CPAP: variants seen among roughly 807,000 people sequenced by gnomAD.
CPAP encodes the protein centrosomal P4.1-associated protein.
chr13:24,903,700 A>C, the CPAP span, among the ~76,000 whole-genome samples: 1 of 152,216 alleles, frequency 6.6e-6, no homozygotes, highest in Non-Finnish European at 1.5e-5. Context: ...TGTTTTTCAA[A>C]TTTTAATTTA....
chr13:24,906,524 TCA>T, the CPAP span: 1 of 1,614,234 alleles, frequency 6.2e-7, no homozygotes, highest in Non-Finnish European at 8.5e-7. Context: ...TTTTGGACAC[TCA>T]GTTACATTTT....
At chr13:24,933,391 C>T in the CPAP span, 20 of 314,396 alleles carry the variant, frequency 6.4e-5, no homozygotes, top group Non-Finnish European at 1.0e-4. Context: ...ATTACTAGAG[C>T]ACAGCCAAAT....
chr13:24,892,533 C>T, the CPAP span: 93 of 826,598 alleles, frequency 1.1e-4, 2 homozygotes, highest in South Asian at 4.6e-4. Flanking sequence ...CTCCCCACTG[C>T]CCCCCCAGCC....
chr13:24,906,631 A>T, the CPAP span: 1 of 1,614,094 alleles, frequency 6.2e-7, no homozygotes, highest in East Asian at 2.2e-5. Context: ...ATCCTGACGG[A>T]GAAAGACTTT....
the CPAP span, among the ~76,000 whole-genome samples, chr13:24,929,325 G>A: frequency 3.9e-5 from 6 of 152,242 alleles, no homozygotes; most frequent in East Asian, 1.9e-4. Context: ...GCTTCCCAAA[G>A]TGTTGGGATT....
the CPAP span, chr13:24,884,018 G>C: frequency 4.6e-5 from 74 of 1,613,940 alleles, no homozygotes; most frequent in Non-Finnish European, 5.7e-5. Context: ...TGTCCATCAG[G>C]AAATAAGTTT....
the CPAP span, chr13:24,892,876 A>G: frequency 3.2e-6 from 5 of 1,549,154 alleles, no homozygotes; most frequent in East Asian, 6.7e-5. Context: ...GTCTCTCAAA[A>G]AAAAAAAACA....
At chr13:24,889,206 C>T in the CPAP span, 3 of 820,044 alleles carry the variant, frequency 3.7e-6, no homozygotes, top group Admixed American at 1.9e-5. Flanking sequence ...AATTCAAATT[C>T]ATTCAAATGT....
At chr13:24,906,630 G>C in the CPAP span, 1 of 1,614,232 alleles carries the variant, frequency 6.2e-7, no homozygotes, top group South Asian at 1.1e-5. Context: ...AATCCTGACG[G>C]AGAAAGACTT....
chr13:24,933,855 G>T, the CPAP span, among the ~76,000 whole-genome samples: 2 of 152,058 alleles, frequency 1.3e-5, no homozygotes, highest in African/African-American at 4.8e-5. Context: ...CTCCTGAGTG[G>T]CTGGGATTAT....
At chr13:24,897,685 A>G in the CPAP span, among the ~76,000 whole-genome samples, 1 of 152,218 alleles carries the variant, frequency 6.6e-6, no homozygotes, top group Non-Finnish European at 1.5e-5. Context: ...TTAATGTTTA[A>G]AAAAACATCA....
At chr13:24,923,418 G>C in the CPAP span, among the ~76,000 whole-genome samples, 8 of 152,108 alleles carry the variant, frequency 5.3e-5, no homozygotes, top group Non-Finnish European at 1.0e-4. Context: ...CCAAAAATAG[G>C]CATCTTTCAT....
chr13:24,933,175 C>A, the CPAP span: 2 of 1,433,584 alleles, frequency 1.4e-6, no homozygotes, highest in Non-Finnish European at 2.0e-6. Context: ...GATAAAACAT[C>A]GCGCATTCAG....
At chr13:24,897,913 G>A in the CPAP span, among the ~76,000 whole-genome samples, 306 of 152,212 alleles carry the variant, frequency 2.0e-3, no homozygotes, top group Non-Finnish European at 3.5e-3. Context: ...CCCCCGCCCC[G>A]TGGACGGAGT....
the CPAP span, among the ~76,000 whole-genome samples, chr13:24,886,968 G>C: frequency 6.6e-6 from 1 of 152,120 alleles, no homozygotes; most frequent in African/African-American, 2.4e-5. Flanking sequence ...GGCATAGACA[G>C]GCTCCAGGTG....
the CPAP span, among the ~76,000 whole-genome samples, chr13:24,925,601 T>C: frequency 6.6e-6 from 1 of 152,110 alleles, no homozygotes; most frequent in Non-Finnish European, 1.5e-5. Context: ...CCGCCAACTC[T>C]TAAAAAGAAA....
chr13:24,889,303 T>C, the CPAP span: 3 of 1,562,068 alleles, frequency 1.9e-6, no homozygotes, highest in Non-Finnish European at 2.6e-6. Flanking sequence ...AAAAAGATCA[T>C]GCAGCCTCTT....
chr13:24,883,190 T>G, the CPAP span: 1 of 1,614,006 alleles, frequency 6.2e-7, no homozygotes, highest in Non-Finnish European at 8.5e-7. Context: ...CAGCTCCGTG[T>G]CCATTAGCAC....
At chr13:24,897,657 G>A in the CPAP span, among the ~76,000 whole-genome samples, 441 of 152,214 alleles carry the variant, frequency 2.9e-3, 5 homozygotes, top group African/African-American at 0.01. Context: ...GATACATAAT[G>A]ATTTCAGTAA....
Sources: allele counts gnomAD v4.1 joint callset (sites outside exome capture counted in the v4.1 genomes callset), GRCh38; gene constraint gnomAD v4.1.1; transcripts MANE v1.5; gene names NCBI Gene and HGNC (gene_info 2026-07-23, HGNC 2026-07-21).